Variants in RNF217 observed in about 807,000 individuals in gnomAD.
RNF217 encodes E3 ubiquitin-protein ligase RNF217.
A neutral mutation model predicts 57.8 loss-of-function variants in RNF217; 31 were observed. That is an observed-to-expected ratio of 0.54 (90% confidence interval 0.40 to 0.72). RNF217 has a LOEUF of 0.72. Ranked by LOEUF, RNF217 falls within the 30% of genes least tolerant of loss-of-function variation. RNF217 has a pLI of 0.00. For synonymous variants in RNF217, 313 were observed against 294.0 expected, an observed-to-expected ratio of 1.06 and a Z score of -0.66; for missense variants, 696 against 708.3, an observed-to-expected ratio of 0.98 and a Z score of 0.20.
chr6:125,087,601 G>A lies in RNF217; in HGVS notation c.*4664G>A, dbSNP rs1321738396. The stretch of plus-strand genomic sequence containing the variant: ...TAAAGCAACTGATACATATATTTCA[G>A]TGGAGACAGTAGGATAACAGTGTTA... On this transcript the variant is annotated 3_prime_UTR_variant, in exon 6 of 6. Coordinates refer to ENST00000521654, the MANE Select transcript of RNF217 (RefSeq NM_001286398.3). 6.6e-6 allele frequency: 1 copy of A among 152,130 alleles called. No homozygotes were observed. The highest frequency in any genetic ancestry group is 2.1e-4 in the South Asian group (1 of 4,832). 9.4% of individuals were successfully genotyped at this position (152,130 alleles called of 1,614,324 possible).
At chr6:124,995,410 G>A (rs533285673) in intron 1 of RNF217, among the ~76,000 whole-genome samples, 12 of 152,296 alleles carry the variant, frequency 7.9e-5, no homozygotes, top group African/African-American at 2.6e-4. Context: ...CATTACAAAT[G>A]TATGCATCCC....
At chr6:125,005,681 T>C (rs1785153384) in intron 1 of RNF217, among the ~76,000 whole-genome samples, 1 of 152,254 alleles carries the variant, frequency 6.6e-6, no homozygotes, top group Non-Finnish European at 1.5e-5. Context: ...GATATAATGC[T>C]AGAAATTCAT....
At chr6:124,974,503 G>A (rs377187171) in intron 1 of RNF217, among the ~76,000 whole-genome samples, 18 of 152,142 alleles carry the variant, frequency 1.2e-4, no homozygotes, top group African/African-American at 4.3e-4. Context: ...TAGTTCCACT[G>A]TAATTGAAAT....
rs1018984304 is a variant in RNF217 at position 125,092,562 on chromosome 6, A to T, written c.*9625A>T. On this transcript the variant is annotated 3_prime_UTR_variant, in exon 6 of 6. Transcript: ENST00000521654. ...TATGGATTACTGTGGAGTGCTGTTTACCACATGATGTGTGCAATACATCAT... is the reference window on the plus strand; with the variant it reads ...TATGGATTACTGTGGAGTGCTGTTTTCCACATGATGTGTGCAATACATCAT... 2 of 152,236 alleles carry T rather than the reference A, an allele frequency of 1.3e-5. No homozygotes were observed. The highest frequency in any genetic ancestry group is 2.9e-5 in the Non-Finnish European group (2 of 68,048). The allele number at this position is 152,236 out of a possible 1,614,324, so 9.4% of individuals were successfully genotyped here.
chr6:125,028,165 C>T (rs1240832962), intron 1 of RNF217, among the ~76,000 whole-genome samples: 1 of 152,026 alleles, frequency 6.6e-6, no homozygotes, highest in African/African-American at 2.4e-5. Flanking sequence ...CTTTGGTTGC[C>T]TGTGTGTCCT....
intron 3 of RNF217, among the ~76,000 whole-genome samples, chr6:125,062,690 C>T (rs1006338324): frequency 3.9e-5 from 6 of 152,072 alleles, no homozygotes; most frequent in African/African-American, 9.7e-5. Flanking sequence ...GATTCTCCTG[C>T]GTCAGTCTCC....
intron 4 of RNF217, 128 bp downstream of exon 4, chr6:125,076,986 C>T (rs1788401128): frequency 3.8e-6 from 3 of 780,128 alleles, no homozygotes; most frequent in Admixed American, 2.4e-5. Flanking sequence ...AGGATATTCT[C>T]TCACCCTTTA....
intron 2 of RNF217, 73 bp from the exon 3 acceptor site, chr6:125,057,869 G>A: frequency 1.5e-6 from 2 of 1,313,868 alleles, no homozygotes; most frequent in Non-Finnish European, 1.0e-6. Context: ...ATTTCCCCAA[G>A]CATCACCTTC....
chr6:125,007,402 A>C (rs955942809), intron 1 of RNF217, among the ~76,000 whole-genome samples: 3 of 151,300 alleles, frequency 2.0e-5, no homozygotes, highest in Non-Finnish European at 4.4e-5. Flanking sequence ...TGCGCCACCA[A>C]GCCCGGCTAA....
rs556266242 is a variant in RNF217 at position 125,089,940 on chromosome 6, A to G, written c.*7003A>G. ...ATATCTAAATTCTTTCATTTTATAG[A>G]AAATTAGCATGCTTTATGTTTCTTT... On this transcript the variant is annotated 3_prime_UTR_variant, in exon 6 of 6. Coordinates refer to ENST00000521654, the MANE Select transcript of RNF217 (RefSeq NM_001286398.3). 5 of 152,304 alleles carry G rather than the reference A, an allele frequency of 3.3e-5. No homozygotes were observed. The East Asian group carries it at 9.6e-4, about 29-fold the overall frequency. 9.4% of individuals were successfully genotyped at this position (152,304 alleles called of 1,614,324 possible).
In RNF217 at chr6:125,083,044, C is replaced by A; in HGVS notation, c.*107C>A. On this transcript the variant is annotated 3_prime_UTR_variant, in exon 6 of 6. Coordinates refer to ENST00000521654, the MANE Select transcript of RNF217 (RefSeq NM_001286398.3). ...AAAAACACTGAGAGGAACCTTCTAC[C>A]ATCTCATCTCCCAGTGATTCTCCGT... 1.5e-6 allele frequency: 1 copy of A among 684,166 alleles called. No individual in the cohort carries two copies. The highest frequency in any genetic ancestry group is 2.4e-6 in the Non-Finnish European group (1 of 422,808). 42.4% of individuals were successfully genotyped at this position (684,166 alleles called of 1,614,324 possible).
intron 1 of RNF217, among the ~76,000 whole-genome samples, chr6:124,982,932 T>C (rs897577763): frequency 6.6e-6 from 1 of 152,244 alleles, no homozygotes; most frequent in African/African-American, 2.4e-5. Context: ...AGGGAATTCA[T>C]TCATCTTTCC....
At chr6:125,013,568 C>A (rs982565067) in intron 1 of RNF217, among the ~76,000 whole-genome samples, 8 of 151,350 alleles carry the variant, frequency 5.3e-5, no homozygotes, top group Admixed American at 4.0e-4. Context: ...AAAAAGTAGT[C>A]TGAAAGCTTT....
intron 1 of RNF217, among the ~76,000 whole-genome samples, chr6:125,023,113 C>G (rs1203485034): frequency 6.6e-6 from 1 of 152,044 alleles, no homozygotes; most frequent in African/African-American, 2.4e-5. Flanking sequence ...GCTACAGGAG[C>G]AAGTCTTGTT....
At chr6:125,050,007 T>C (rs892435459) in intron 2 of RNF217, among the ~76,000 whole-genome samples, 25 of 151,912 alleles carry the variant, frequency 1.6e-4, no homozygotes, top group African/African-American at 5.8e-4. Flanking sequence ...GTGAAGGGGA[T>C]TGTCATTGAA....
intron 1 of RNF217, among the ~76,000 whole-genome samples, chr6:124,978,341 C>T (rs1784042047): frequency 6.6e-6 from 1 of 151,706 alleles, no homozygotes; most frequent in African/African-American, 2.4e-5. Flanking sequence ...CGCTTGTGCC[C>T]CAGACCAGAT....
chr6:124,997,757 G>C (rs1784807470), intron 1 of RNF217, among the ~76,000 whole-genome samples: 1 of 152,120 alleles, frequency 6.6e-6, no homozygotes, highest in Non-Finnish European at 1.5e-5. Context: ...ACTTTCCCTT[G>C]CTTGTTTTCT....
chr6:125,034,759 G>A (rs1339619142), intron 1 of RNF217, among the ~76,000 whole-genome samples: 1 of 152,014 alleles, frequency 6.6e-6, no homozygotes, highest in African/African-American at 2.4e-5. Context: ...TGATGGGGAT[G>A]GCAACTGAAT....
intron 1 of RNF217, among the ~76,000 whole-genome samples, chr6:125,040,110 AT>A (rs1002791102): frequency 7.9e-5 from 12 of 152,116 alleles, no homozygotes; most frequent in Admixed American, 1.3e-4. Flanking sequence ...ATTGAAGGAG[AT>A]AGAGACATGA....
Sources: allele counts gnomAD v4.1 joint callset (sites outside exome capture counted in the v4.1 genomes callset), GRCh38; gene constraint gnomAD v4.1.1; transcripts MANE v1.5; gene names NCBI Gene and HGNC (gene_info 2026-07-23, HGNC 2026-07-21).